The following LRTM2 variants were observed in gnomAD, a reference collection of about 807,000 sequenced individuals.
The protein encoded by LRTM2 is leucine rich repeat transmembrane protein 2.
Under a neutral mutation model 28.1 loss-of-function variants are expected in LRTM2, and 18 were observed. The ratio of observed to expected loss-of-function variants is 0.64; its 90% CI spans 0.44 to 0.95. LRTM2 has a LOEUF of 0.95. LRTM2 is among the 40% of genes least tolerant of loss of function. LRTM2 has a pLI of 0.00. For synonymous variants in LRTM2, 250 were observed against 218.7 expected, an observed-to-expected ratio of 1.14 and a Z score of -1.26; for missense variants, 436 against 497.2, an observed-to-expected ratio of 0.88 and a Z score of 1.17.
chr12:1,828,222 AC>A lies in LRTM2; in HGVS notation c.67+8del. 2 of 1,540,626 alleles carry A rather than the reference AC, an allele frequency of 1.3e-6. No individual in the cohort carries two copies. The highest frequency in any genetic ancestry group is 1.8e-6 in the Non-Finnish European group (2 of 1,142,822). ...CAGTGGAGGCAAGTCTCCTGTGAGT[AC>A]ACCCCTGGCCTCGGAGGGGGGTGCG... is the stretch of plus-strand genomic sequence containing the variant. On this transcript the variant is annotated splice_region_variant and intron_variant, in intron 3 of 4. Coordinates refer to ENST00000299194, the MANE Select transcript of LRTM2 (RefSeq NM_001039029.3). The surrounding 1 kb of genome is among the most constrained non-coding windows in gnomAD (Gnocchi z 4.2).
intron 1 of LRTM2, among the ~76,000 whole-genome samples, chr12:1,823,026 C>G (rs577543597): frequency 1.3e-5 from 2 of 152,174 alleles, no homozygotes; most frequent in Admixed American, 6.5e-5. Flanking sequence ...AAGGGGGCGG[C>G]AGAGTAGGCT....
rs560569196 is a variant in LRTM2 at position 1,833,722 on chromosome 12, C to T, written c.659-545C>T. Among the ~76,000 whole-genome samples the T allele has an allele frequency of 1.1e-4, 16 of 152,318 alleles. No individual in the cohort carries two copies. The highest frequency in any genetic ancestry group is 3.1e-4 in the African/African-American group (13 of 41,574). On this transcript the variant is annotated intron_variant, in intron 4 of 4. Transcript: ENST00000299194. This position sits in a 1 kb window ranked among gnomAD's most constrained non-coding sequence, Gnocchi z 4.2. ...ATTCTTAGGCAACCAAAAGGTCTTG[C>T]GTGGAGGGGCAGCGGCAGGGGCAGT...
chr12:1,828,244 G>C lies in LRTM2; in HGVS notation c.67+29G>C, dbSNP rs774893554. 6 of 1,527,098 alleles carry C rather than the reference G, an allele frequency of 3.9e-6. No individual in the cohort carries two copies. Among genetic ancestry groups the C allele is most frequent in the Middle Eastern group, 1.7e-4 (1 of 5,870 alleles). The allele number at this position is 1,527,098 out of a possible 1,614,324, so 94.6% of individuals were successfully genotyped here. A position where few individuals can be genotyped will look rare whatever the true frequency, so the allele number is the denominator to read the frequency against. ...AGTACACCCCTGGCCTCGGAGGGGG[G>C]TGCGGGTTGGGTGGGGGTGCCGAGG... On this transcript the variant is annotated intron_variant, in intron 3 of 4. Coordinates refer to ENST00000299194, the MANE Select transcript of LRTM2 (RefSeq NM_001039029.3). This position sits in a 1 kb window ranked among gnomAD's most constrained non-coding sequence, Gnocchi z 4.2.
In LRTM2 at chr12:1,835,495, A is replaced by C. The variant is rs892322831; in HGVS notation, c.*774A>C. Reference sequence around the variant, plus strand: ...CTATGAGCGCTCGAACAGCAGAGACATGCTCTTCCCCAGGGGTCTCCCTGA... The same window carrying C: ...CTATGAGCGCTCGAACAGCAGAGACCTGCTCTTCCCCAGGGGTCTCCCTGA... On this transcript the variant is annotated 3_prime_UTR_variant, in exon 5 of 5. Transcript: ENST00000299194. 2 of 152,500 alleles carry C rather than the reference A, an allele frequency of 1.3e-5. No individual in the cohort carries two copies. Among genetic ancestry groups the C allele is most frequent in the African/African-American group, 2.4e-5 (1 of 41,444 alleles). The allele number at this position is 152,500 out of a possible 1,614,324, so 9.4% of individuals were successfully genotyped here.
In LRTM2 at chr12:1,828,116, A is replaced by T. The variant is rs1293198711; in HGVS notation, c.-33A>T. 2.0e-6 allele frequency: 3 copies of T among 1,504,126 alleles called. No homozygotes were observed. The South Asian group carries it at 3.8e-5, about 19-fold the overall frequency. The allele number at this position is 1,504,126 out of a possible 1,614,324, so 93.2% of individuals were successfully genotyped here. On this transcript the variant is annotated 5_prime_UTR_variant, in exon 3 of 5. Coordinates refer to ENST00000299194, the MANE Select transcript of LRTM2 (RefSeq NM_001039029.3). This position sits in a 1 kb window ranked among gnomAD's most constrained non-coding sequence, Gnocchi z 4.2. The stretch of plus-strand genomic sequence containing the variant: ...CACCCAGGGGCTCCTCTCTCCCCAG[A>T]GCGACAGGGCCCGGAGAGCCGTGGG...
rs534868139 is a variant in LRTM2 at position 1,828,328 on chromosome 12, G to A, written c.67+113G>A. 535 of 946,556 alleles carry A rather than the reference G, an allele frequency of 5.7e-4. No individual in the cohort carries two copies. The highest frequency in any genetic ancestry group is 7.5e-4 in the Non-Finnish European group (500 of 664,190). The allele number at this position is 946,556 out of a possible 1,614,324, so 58.6% of individuals were successfully genotyped here. A position where few individuals can be genotyped will look rare whatever the true frequency, so the allele number is the denominator to read the frequency against. On this transcript the variant is annotated intron_variant, in intron 3 of 4. Coordinates refer to ENST00000299194, the MANE Select transcript of LRTM2 (RefSeq NM_001039029.3). The surrounding 1 kb of genome is among the most constrained non-coding windows in gnomAD (Gnocchi z 4.2). ...ACACTCAGGCTGCAGGGAGGCCTACGCCAGATCTTCCTGGGGTACCCGAGG... is the reference window on the plus strand; with the variant it reads ...ACACTCAGGCTGCAGGGAGGCCTACACCAGATCTTCCTGGGGTACCCGAGG...
rs1384210130 is a variant in LRTM2, at chr12:1,829,146, C to T, written c.67+931C>T. On this transcript the variant is annotated intron_variant, in intron 3 of 4. Coordinates refer to ENST00000299194, the MANE Select transcript of LRTM2 (RefSeq NM_001039029.3). This position sits in a 1 kb window ranked among gnomAD's most constrained non-coding sequence, Gnocchi z 4.2. ...TTTTCTTGTCACTGGAGCTTTTATG[C>T]CACCTTGATCTCCAGGGAGGTGGGG... 6.6e-6 allele frequency among the ~76,000 whole-genome samples: 1 copy of T among 152,156 alleles called. No homozygotes were observed. The highest frequency in any genetic ancestry group is 6.5e-5 in the Admixed American group (1 of 15,276).
rs1049023818 is a variant in LRTM2 at position 1,834,193 on chromosome 12, G to T, written c.659-74G>T. The T allele has an allele frequency of 6.1e-6, 9 of 1,486,870 alleles. No individual in the cohort carries two copies. Among genetic ancestry groups the T allele is most frequent in the African/African-American group, 2.8e-5 (2 of 71,098 alleles). The allele number at this position is 1,486,870 out of a possible 1,614,324, so 92.1% of individuals were successfully genotyped here. A position where few individuals can be genotyped will look rare whatever the true frequency, so the allele number is the denominator to read the frequency against. The stretch of plus-strand genomic sequence containing the variant: ...CTACCTTCTGGGGCTTCCGTTTTGG[G>T]GAGCTGGGGATGGGGAGAGGGAGTG... On this transcript the variant is annotated intron_variant, in intron 4 of 4. Coordinates refer to ENST00000299194, the MANE Select transcript of LRTM2 (RefSeq NM_001039029.3). This position sits in a 1 kb window ranked among gnomAD's most constrained non-coding sequence, Gnocchi z 7.6.
chr12:1,822,979 G>C (rs1864169455), intron 1 of LRTM2, among the ~76,000 whole-genome samples: 1 of 152,226 alleles, frequency 6.6e-6, no homozygotes, highest in Non-Finnish European at 1.5e-5. Flanking sequence ...TGTGGGCCCA[G>C]TCGTGGCTCT....
At chr12:1,832,361 C>T (rs1034100013) in intron 4 of LRTM2, among the ~76,000 whole-genome samples, 2 of 152,190 alleles carry the variant, frequency 1.3e-5, no homozygotes, top group African/African-American at 4.8e-5. Flanking sequence ...TGGCAATGCA[C>T]GGAACGTGGC....
chr12:1,825,843 C>CT (rs398116022), intron 1 of LRTM2, among the ~76,000 whole-genome samples: 12 of 152,072 alleles, frequency 7.9e-5, no homozygotes, highest in Admixed American at 2.0e-4. Context: ...AATCCAGTCC[C>CT]GGACTTACCA....
At chr12:1,824,323 C>T (rs74059371) in intron 1 of LRTM2, among the ~76,000 whole-genome samples, 6,354 of 152,296 alleles carry the variant, frequency 0.042, 481 homozygotes, top group African/African-American at 0.15. Flanking sequence ...AGACTACCTT[C>T]CTACAAGGCT....
intron 4 of LRTM2, 52 bp downstream of exon 4, chr12:1,831,577 G>A: frequency 6.9e-7 from 1 of 1,454,488 alleles, no homozygotes; most frequent in Non-Finnish European, 9.5e-7. Flanking sequence ...GATCACCTCT[G>A]GCCCCACACT....
chr12:1,831,571 A>C (rs1404941153), intron 4 of LRTM2, 46 bp downstream of exon 4: 6 of 1,486,774 alleles, frequency 4.0e-6, no homozygotes, highest in African/African-American at 1.4e-5. Context: ...TGGGACGATC[A>C]CCTCTGGCCC....
intron 1 of LRTM2, chr12:1,823,338 G>A (rs1864185597): frequency 6.6e-6 from 1 of 152,294 alleles, no homozygotes; most frequent in African/African-American, 2.4e-5. Flanking sequence ...TCCATCTGAG[G>A]AGAAATGGAA....
intron 3 of LRTM2, 136 bp from the exon 4 acceptor site, chr12:1,830,799 G>A (rs377052950): frequency 3.2e-4 from 222 of 689,890 alleles, no homozygotes; most frequent in African/African-American, 3.2e-3. Context: ...GTTAATAAAC[G>A]TTTATGCATT....
At position 1,835,052 on chromosome 12, in the gene LRTM2, G is replaced by A. The variant is rs956654314; in HGVS notation, c.*331G>A. Reference sequence around the variant, plus strand: ...TGGGCATTCCCCTGTCGCCCTTCCTGCCCTGGGGTGGCCATAGCTGGTGAC... The same window carrying A: ...TGGGCATTCCCCTGTCGCCCTTCCTACCCTGGGGTGGCCATAGCTGGTGAC... On this transcript the variant is annotated 3_prime_UTR_variant, in exon 5 of 5. Coordinates refer to ENST00000299194, the MANE Select transcript of LRTM2 (RefSeq NM_001039029.3). 3.9e-5 allele frequency: 11 copies of A among 279,632 alleles called. No individual in the cohort carries two copies. The highest frequency in any genetic ancestry group is 2.4e-4 in the African/African-American group (11 of 45,900). The allele number at this position is 279,632 out of a possible 1,614,324, so 17.3% of individuals were successfully genotyped here. A position where few individuals can be genotyped will look rare whatever the true frequency, so the allele number is the denominator to read the frequency against.
chr12:1,821,116 C>T (rs953951827), intron 1 of LRTM2, among the ~76,000 whole-genome samples: 3 of 152,208 alleles, frequency 2.0e-5, no homozygotes, highest in African/African-American at 4.8e-5. Flanking sequence ...GCATAGAAAC[C>T]GGTCCCTGCA....
rs1401988049 is a variant in LRTM2 at position 1,831,018 on chromosome 12, G to C, written c.151G>C (p.Glu51Gln). 6 of 1,614,000 alleles carry C rather than the reference G, an allele frequency of 3.7e-6. No individual in the cohort carries two copies. The highest frequency in any genetic ancestry group is 1.3e-5 in the African/African-American group (1 of 74,930). ...CTGCAAGTGTGACAGCCGCAGCCTGGAGGTGGACTGCAGTGGCCTTGGCCT... is the reference window on the plus strand; with the variant it reads ...CTGCAAGTGTGACAGCCGCAGCCTGCAGGTGGACTGCAGTGGCCTTGGCCT... ...FSCKCDSRSL[E>Q]VDCSGLGLTT... The change falls in exon 4 of 5, where the codon GAG (glutamate) becomes CAG (glutamine). Residue 51 changes from glutamate to glutamine, a missense_variant. Coordinates refer to ENST00000299194, the MANE Select transcript of LRTM2 (RefSeq NM_001039029.3).
Sources: gnomAD v4.1 joint callset for allele counts (sites outside exome capture counted in the v4.1 genomes callset) on GRCh38, gnomAD v4.1.1 for gene constraint, Gnocchi (gnomAD v3.1) non-coding constraint, MANE v1.5 for transcripts, NCBI Gene and HGNC (gene_info 2026-07-23, HGNC 2026-07-21) for gene names.